ATP10B: variants seen among roughly 807,000 people sequenced by gnomAD.
ATP10B encodes the protein phospholipid-transporting ATPase VB.
ATP10B carries 122 observed loss-of-function variants against 141.2 expected under a neutral mutation model. The observed-to-expected ratio is 0.86, with a 90% CI of 0.75 to 1.00. The LOEUF is 1.00. Among genes scored for constraint, ATP10B ranks in the 50% least tolerant of loss-of-function variants. The probability of loss-of-function intolerance (pLI) is 0.00; values close to 1 mark genes in which losing one functional copy is unlikely to be tolerated. For missense variants in ATP10B, 1,876 were observed against 1,825.3 expected (o/e 1.03, Z -0.51); for synonymous variants, 685 against 692.0 (o/e 0.99, Z 0.16).
the ATP10B span, among the ~76,000 whole-genome samples, chr5:160,873,971 A>C: frequency 6.6e-6 from 1 of 152,222 alleles, no homozygotes; most frequent in African/African-American, 2.4e-5. Context: ...GGCGCCTGCC[A>C]TTGCCCAGGC....
rs1215404729 is a variant in ATP10B at position 160,807,374 on chromosome 5, T to G, written c.-575-21571A>C. Among the ~76,000 whole-genome samples the G allele has an allele frequency of 3.9e-5, 6 of 152,174 alleles. No homozygotes were observed. In the East Asian group the frequency reaches 1.2e-3, roughly 29 times the overall value. On this transcript the variant is annotated intron_variant, in intron 1 of 25. Coordinates refer to ENST00000327245, the MANE Select transcript of ATP10B (RefSeq NM_025153.3). ...CCTAGATTACCTATTCAAAATGGAC[T>G]TTTTAAGTTAGAGCTGAGAAAGAGA...
At chr5:160,635,300 G>T (rs2127667080) in intron 11 of ATP10B, among the ~76,000 whole-genome samples, 1 of 152,228 alleles carries the variant, frequency 6.6e-6, no homozygotes, top group Non-Finnish European at 1.5e-5. Flanking sequence ...GGCAGTGGGG[G>T]TGGCGTTTGG....
chr5:160,871,061 A>T, the ATP10B span, among the ~76,000 whole-genome samples: 24 of 150,412 alleles, frequency 1.6e-4, no homozygotes, highest in African/African-American at 5.8e-4. Context: ...CCTGTCTTAT[A>T]AGAAGTGTTG....
intron 2 of ATP10B, among the ~76,000 whole-genome samples, chr5:160,760,359 A>G (rs967395388): frequency 6.6e-6 from 1 of 152,158 alleles, no homozygotes; most frequent in African/African-American, 2.4e-5. Context: ...TGCTTCCTGT[A>G]TAGTCTGCAT....
chr5:160,799,686 C>T (rs1772237615), intron 1 of ATP10B, among the ~76,000 whole-genome samples: 1 of 152,136 alleles, frequency 6.6e-6, no homozygotes, highest in African/African-American at 2.4e-5. Context: ...TAGCACCTGA[C>T]ACTTGGGGAA....
intron 1 of ATP10B, among the ~76,000 whole-genome samples, chr5:160,799,981 T>C (rs1377444882): frequency 6.6e-6 from 1 of 152,192 alleles, no homozygotes; most frequent in African/African-American, 2.4e-5. Context: ...CTGAACCAAA[T>C]GTTGCATATT....
intron 2 of ATP10B, among the ~76,000 whole-genome samples, chr5:160,771,723 A>T (rs970519467): frequency 6.6e-6 from 1 of 152,218 alleles, no homozygotes; most frequent in African/African-American, 2.4e-5. Flanking sequence ...TATTATGCTC[A>T]TGTTGTACCT....
At chr5:160,677,118 AC>A (rs1763081622) in intron 6 of ATP10B, among the ~76,000 whole-genome samples, 1 of 152,210 alleles carries the variant, frequency 6.6e-6, no homozygotes, top group South Asian at 2.1e-4. Context: ...ATAAATCCTT[AC>A]CCGTGGACAT....
chr5:160,810,414 A>G (rs1773074553), intron 1 of ATP10B, among the ~76,000 whole-genome samples: 1 of 152,134 alleles, frequency 6.6e-6, no homozygotes, highest in South Asian at 2.1e-4. Flanking sequence ...TTTATCATCA[A>G]TAATTTAATC....
At chr5:160,921,701 A>G in the ATP10B span, among the ~76,000 whole-genome samples, 1 of 152,228 alleles carries the variant, frequency 6.6e-6, no homozygotes, top group Non-Finnish European at 1.5e-5. Context: ...AATGTCTTAT[A>G]GTTATCAGTG....
intron 2 of ATP10B, among the ~76,000 whole-genome samples, chr5:160,781,305 T>C (rs1770698654): frequency 6.6e-6 from 1 of 152,170 alleles, no homozygotes; most frequent in Admixed American, 6.6e-5. Flanking sequence ...GGTCTGCAGA[T>C]CTCACTTTGA....
chr5:160,737,004 C>T (rs1321085699), intron 2 of ATP10B, among the ~76,000 whole-genome samples: 1 of 152,068 alleles, frequency 6.6e-6, no homozygotes, highest in African/African-American at 2.4e-5. Flanking sequence ...TGCAAAAATC[C>T]TTGACAAAGT....
intron 1 of ATP10B, among the ~76,000 whole-genome samples, chr5:160,834,585 T>C (rs1775304254): frequency 6.6e-6 from 1 of 152,166 alleles, no homozygotes; most frequent in African/African-American, 2.4e-5. Flanking sequence ...TGGATAAAAC[T>C]GAAACGTACA....
At chr5:160,865,032 T>C in the ATP10B span, among the ~76,000 whole-genome samples, 893 of 151,960 alleles carry the variant, frequency 5.9e-3, 12 homozygotes, top group African/African-American at 0.02. Context: ...CAATTCCCAT[T>C]AAAATATCAC....
chr5:160,800,068 G>A (rs370278626), intron 1 of ATP10B, among the ~76,000 whole-genome samples: 1 of 152,120 alleles, frequency 6.6e-6, no homozygotes, highest in African/African-American at 2.4e-5. Flanking sequence ...AAGGGTAGCC[G>A]GCCATCACCA....
chr5:160,910,591 C>T, the ATP10B span, among the ~76,000 whole-genome samples: 1 of 152,186 alleles, frequency 6.6e-6, no homozygotes, highest in African/African-American at 2.4e-5. Context: ...TCAGGCTTCA[C>T]TATCCTGTAA....
intron 1 of ATP10B, among the ~76,000 whole-genome samples, chr5:160,828,922 T>C (rs1246400913): frequency 6.9e-6 from 1 of 145,714 alleles, no homozygotes; most frequent in Non-Finnish European, 1.5e-5. Context: ...ATGGATGAAA[T>C]TGGAAATCAT....
intron 1 of ATP10B, among the ~76,000 whole-genome samples, chr5:160,800,897 T>C (rs1422333194): frequency 6.6e-6 from 1 of 152,222 alleles, no homozygotes; most frequent in East Asian, 1.9e-4. Context: ...TCCCTTTCAT[T>C]TGAAGCCCTG....
In ATP10B at chr5:160,649,221, G is replaced by A. The variant is rs1760523662; in HGVS notation, c.711C>T (p.Thr237=). Residue 237 remains threonine (T), a synonymous_variant, in exon 8 of 26, where the codon ACC becomes ACT. Transcript: ENST00000327245. Reference sequence around the variant, plus strand: ...GGTTGTTGGGTTTCTCACACACGATGGTATTGTGGAAAAGCTCTGGTTCGA... The same window carrying A: ...GGTTGTTGGGTTTCTCACACACGATAGTATTGTGGAAAAGCTCTGGTTCGA... ...VQFEPELFHN[T]IVCEKPNNHL... The A allele has an allele frequency of 5.6e-6, 9 of 1,613,950 alleles. No homozygotes were observed. Among genetic ancestry groups the A allele is most frequent in the Non-Finnish European group, 7.6e-6 (9 of 1,179,896 alleles).
Sources: gnomAD v4.1 joint callset for allele counts (sites outside exome capture counted in the v4.1 genomes callset) on GRCh38, gnomAD v4.1.1 for gene constraint, MANE v1.5 for transcripts, NCBI Gene and HGNC (gene_info 2026-07-23, HGNC 2026-07-21) for gene names.